The following DSC2 variants were observed in gnomAD, a reference collection of about 807,000 sequenced individuals.
The protein encoded by DSC2 is desmocollin 2.
DSC2 carries 51 observed loss-of-function variants against 87.6 expected under a neutral mutation model. That is an observed-to-expected ratio of 0.58 (90% CI 0.46 to 0.74). The LOEUF (loss-of-function observed/expected upper bound fraction) is 0.74. Ranked by LOEUF, DSC2 falls within the 30% of genes least tolerant of loss-of-function variation. The probability of loss-of-function intolerance (pLI) is 0.00; values close to 1 mark genes in which losing one functional copy is unlikely to be tolerated. For synonymous variants in DSC2, 383 were observed against 393.2 expected (o/e 0.97, Z 0.31); for missense variants, 1,066 against 1,089.5 (o/e 0.98, Z 0.30).
At chr18:31,093,714 T>C (rs1231478211) in intron 1 of DSC2, 71 bp from the exon 2 acceptor site, 1 of 713,552 alleles carries the variant, frequency 1.4e-6, no homozygotes, top group African/African-American at 1.9e-5. Context: ...ATTATTTATA[T>C]AAATTATAAA....
rs1479819148 is a variant in DSC2, at chr18:31,060,026, T to G, written c.*7989A>C. 1 of 152,268 alleles carries G rather than the reference T, an allele frequency of 6.6e-6. No homozygotes were observed. The highest frequency in any genetic ancestry group is 2.4e-5 in the African/African-American group (1 of 41,570). 9.4% of individuals were successfully genotyped at this position (152,268 alleles called of 1,614,324 possible). On this transcript the variant is annotated 3_prime_UTR_variant, in exon 16 of 16. Coordinates refer to ENST00000280904, the MANE Select transcript of DSC2 (RefSeq NM_024422.6). ...TAACACAGCAAGAACAAAGCTGAGA[T>G]TTGGATCCACGTCTTTCTGACTGCG...
rs1986545680 is a variant in DSC2, at chr18:31,063,636, C to T, written c.*4379G>A. On this transcript the variant is annotated 3_prime_UTR_variant, in exon 16 of 16. Coordinates refer to ENST00000280904, the MANE Select transcript of DSC2 (RefSeq NM_024422.6). ...TACAAGGAGATTGGGGAAATTAGTA[C>T]AGAAGGTCCTCAACTTAAGATGGCT... 6.6e-6 allele frequency: 1 copy of T among 152,112 alleles called. No individual in the cohort carries two copies. Among genetic ancestry groups the T allele is most frequent in the South Asian group, 2.1e-4 (1 of 4,822 alleles). 9.4% of individuals were successfully genotyped at this position (152,112 alleles called of 1,614,324 possible).
intron 1 of DSC2, among the ~76,000 whole-genome samples, chr18:31,097,299 A>G (rs932275524): frequency 1.3e-5 from 2 of 151,732 alleles, no homozygotes; most frequent in African/African-American, 4.9e-5. Flanking sequence ...AAAAAAAAAA[A>G]AAAGAAATCA....
At position 31,089,929 on chromosome 18, in the gene DSC2, A is replaced by G. The variant is rs956054350; in HGVS notation, c.475-335T>C. On this transcript the variant is annotated intron_variant, in intron 4 of 15. Coordinates refer to ENST00000280904, the MANE Select transcript of DSC2 (RefSeq NM_024422.6). Reference sequence around the variant, plus strand: ...GAGCATGGAAAATTATTCTGTCGTCAATGTTTTAAAAAACTGAGTTTTTAT... The same window carrying G: ...GAGCATGGAAAATTATTCTGTCGTCGATGTTTTAAAAAACTGAGTTTTTAT... Among the ~76,000 whole-genome samples the G allele has an allele frequency of 5.3e-5, 8 of 152,176 alleles. No homozygotes were observed. In the East Asian group the frequency reaches 1.5e-3, roughly 29 times the overall value.
At chr18:31,093,463 A>C in intron 2 of DSC2, 96 bp downstream of exon 2, 3 of 905,324 alleles carry the variant, frequency 3.3e-6, no homozygotes, top group African/African-American at 1.7e-5. Context: ...CTTCCAAGGG[A>C]CAAGATCTCG....
intron 9 of DSC2, 117 bp from the exon 10 acceptor site, chr18:31,080,469 C>A: frequency 8.2e-7 from 1 of 1,224,482 alleles, no homozygotes. Context: ...GGAATAACCA[C>A]GAGAATATGA....
intron 7 of DSC2, among the ~76,000 whole-genome samples, chr18:31,085,546 T>A (rs961903165): frequency 6.6e-6 from 1 of 151,702 alleles, no homozygotes; most frequent in Non-Finnish European, 1.5e-5. Flanking sequence ...ATAACCTAGA[T>A]AAATAAAAGA....
At chr18:31,090,209 C>T (rs1448446415) in intron 4 of DSC2, among the ~76,000 whole-genome samples, 1 of 152,168 alleles carries the variant, frequency 6.6e-6, no homozygotes, top group Non-Finnish European at 1.5e-5. Flanking sequence ...ATCTTTATAT[C>T]AGGATAACTG....
intron 1 of DSC2, among the ~76,000 whole-genome samples, chr18:31,094,124 G>C (rs1453218553): frequency 6.6e-6 from 1 of 152,116 alleles, no homozygotes; most frequent in Non-Finnish European, 1.5e-5. Context: ...GCCTAGGTGG[G>C]AGAGTGCTGA....
chr18:31,101,977 G>A lies in DSC2; in HGVS notation c.-6C>T, dbSNP rs1987979751. 1 of 1,517,030 alleles carries A rather than the reference G, an allele frequency of 6.6e-7. No individual in the cohort carries two copies. The highest frequency in any genetic ancestry group is 2.0e-4 in the Middle Eastern group (1 of 4,956). The allele number at this position is 1,517,030 out of a possible 1,614,324, so 94.0% of individuals were successfully genotyped here. A position where few individuals can be genotyped will look rare whatever the true frequency, so the allele number is the denominator to read the frequency against. On this transcript the variant is annotated 5_prime_UTR_variant, in exon 1 of 16. Transcript: ENST00000280904. ...GAGGGGCGGGCTGCCTCCATGGAGA[G>A]GGCTCGGGGCAGGTCGCGGGCCGAG...
intron 11 of DSC2, among the ~76,000 whole-genome samples, chr18:31,079,450 T>A (rs1056449226): frequency 3.9e-5 from 6 of 152,218 alleles, no homozygotes; most frequent in African/African-American, 1.4e-4. Context: ...AGACGGGATT[T>A]CACCATGTTG....
At chr18:31,093,886 CATAA>C (rs1203233144) in intron 1 of DSC2, among the ~76,000 whole-genome samples, 7 of 150,068 alleles carry the variant, frequency 4.7e-5, no homozygotes, top group South Asian at 2.1e-4. Flanking sequence ...ATAAATAAAA[CATAA>C]ATAAAATATT....
At chr18:31,074,195 T>C (rs1986926589) in intron 12 of DSC2, among the ~76,000 whole-genome samples, 1 of 152,196 alleles carries the variant, frequency 6.6e-6, no homozygotes, top group African/African-American at 2.4e-5. Flanking sequence ...CCAATCCTAC[T>C]TCTCCTCCTT....
At chr18:31,081,109 T>G (rs1356438793) in intron 9 of DSC2, among the ~76,000 whole-genome samples, 1 of 152,150 alleles carries the variant, frequency 6.6e-6, no homozygotes, top group East Asian at 1.9e-4. Flanking sequence ...ACAAAATAAA[T>G]TTTAGGACAG....
intron 12 of DSC2, among the ~76,000 whole-genome samples, chr18:31,073,162 T>C (rs536710621): frequency 3.7e-4 from 56 of 152,130 alleles, no homozygotes; most frequent in Non-Finnish European, 6.8e-4. Flanking sequence ...AGTACATCTT[T>C]AAAATAACAA....
chr18:31,068,788 TTAG>T, intron 15 of DSC2, 103 bp downstream of exon 15: 1 of 1,406,668 alleles, frequency 7.1e-7, no homozygotes, highest in Non-Finnish European at 9.9e-7. Flanking sequence ...ATTAGTAGAA[TTAG>T]TAGATTCATA....
Position 31,102,284 on chromosome 18 carries a change from C to A in DSC2, c.-313G>T, listed in dbSNP as rs1987995537. The A allele has an allele frequency of 1.3e-5, 4 of 298,778 alleles. No homozygotes were observed. Among genetic ancestry groups the A allele is most frequent in the East Asian group, 5.6e-5 (1 of 17,836 alleles). 18.5% of individuals were successfully genotyped at this position (298,778 alleles called of 1,614,324 possible). On this transcript the variant is annotated 5_prime_UTR_variant, in exon 1 of 16. Transcript: ENST00000280904. ...AAAGCCACGGGTGGGAACTCCCTCT[C>A]GCCGCCACCCTTTTACCTGCGCAAG...
intron 1 of DSC2, among the ~76,000 whole-genome samples, chr18:31,095,221 A>G (rs1164956257): frequency 2.0e-5 from 3 of 152,218 alleles, no homozygotes; most frequent in African/African-American, 7.2e-5. Context: ...ACCAGAGTAA[A>G]GACCCTGGAA....
chr18:31,076,937 T>C (rs2144805553), intron 11 of DSC2, among the ~76,000 whole-genome samples: 1 of 152,244 alleles, frequency 6.6e-6, no homozygotes, highest in East Asian at 1.9e-4. Context: ...AGCTGCACAG[T>C]GCCATGGGAA....
Sources: allele counts gnomAD v4.1 joint callset (sites outside exome capture counted in the v4.1 genomes callset), GRCh38; gene constraint gnomAD v4.1.1; transcripts MANE v1.5; gene names NCBI Gene and HGNC (gene_info 2026-07-23, HGNC 2026-07-21).